The following MARS1 variants were observed in gnomAD, a reference collection of about 807,000 sequenced individuals.
The protein encoded by MARS1 is methionine--tRNA ligase, cytoplasmic.
In MARS1, 80 loss-of-function variants were observed where a neutral mutation model predicts 119.5. The observed-to-expected ratio is 0.67, with a 90% confidence interval of 0.56 to 0.81. The LOEUF is 0.81. Among genes scored for constraint, MARS1 ranks in the 30% least tolerant of loss-of-function variants. The pLI is 0.00. For synonymous variants in MARS1, 418 were observed against 433.4 expected (o/e 0.96, Z 0.44); for missense variants, 945 against 1,116.5 (o/e 0.85, Z 2.19).
intron 11 of MARS1, among the ~76,000 whole-genome samples, chr12:57,505,629 A>G (rs991984947): frequency 1.3e-4 from 20 of 148,712 alleles, no homozygotes; most frequent in Non-Finnish European, 2.7e-4. Flanking sequence ...TGGAAAACAT[A>G]GTGAGACACT....
At chr12:57,501,669 A>G (rs1765802768) in intron 10 of MARS1, among the ~76,000 whole-genome samples, 1 of 152,142 alleles carries the variant, frequency 6.6e-6, no homozygotes, top group South Asian at 2.1e-4. Context: ...AAAAAATACA[A>G]AAATTAGCTG....
intron 11 of MARS1, among the ~76,000 whole-genome samples, chr12:57,510,433 A>G (rs1333491421): frequency 6.6e-6 from 1 of 151,102 alleles, no homozygotes; most frequent in Non-Finnish European, 1.5e-5. Flanking sequence ...AGATCGTGCC[A>G]CTGCACTCCA....
At chr12:57,489,199 C>G in intron 2 of MARS1, 68 bp from the exon 3 acceptor site, 1 of 1,599,254 alleles carries the variant, frequency 6.3e-7, no homozygotes, top group Admixed American at 1.7e-5. Flanking sequence ...CATTGTTTCC[C>G]TGTGTGATGA....
Position 57,493,867 on chromosome 12 carries a change from A to G in MARS1, c.770+3223A>G, listed in dbSNP as rs1485800692. Among the ~76,000 whole-genome samples, 43 of 4,984 alleles carry G rather than the reference A, an allele frequency of 8.6e-3. 3 individuals are homozygous for G. The highest frequency in any genetic ancestry group is 0.083 in the Admixed American group (5 of 60). 3.3% of individuals were successfully genotyped at this position (4,984 alleles called of 152,430 possible). A position where few individuals can be genotyped will look rare whatever the true frequency, so the allele number is the denominator to read the frequency against. On this transcript the variant is annotated intron_variant, in intron 7 of 20. Coordinates refer to ENST00000262027, the MANE Select transcript of MARS1 (RefSeq NM_004990.4). Reference sequence around the variant, plus strand: ...TATATAATATATATATTTATATTATATAATATATATAATATATAATATATA... The same window carrying G: ...TATATAATATATATATTTATATTATGTAATATATATAATATATAATATATA...
Position 57,498,457 on chromosome 12 carries a change from TGTGG to T in MARS1, c.927_930del (p.Cys309Ter). ...CCGCCAGTGGAACACCCTCTATCTG[TGTGG>T]GACAGATGAGTATGGTACAGCAACA... is the stretch of plus-strand genomic sequence containing the variant. On this transcript the variant is annotated frameshift_variant, in exon 9 of 21. Coordinates refer to ENST00000262027, the MANE Select transcript of MARS1 (RefSeq NM_004990.4). LOFTEE classifies it high-confidence loss of function. The T allele has an allele frequency of 1.2e-6, 2 of 1,614,150 alleles. No homozygotes were observed. Among genetic ancestry groups the T allele is most frequent in the Non-Finnish European group, 1.7e-6 (2 of 1,180,042 alleles).
intron 11 of MARS1, among the ~76,000 whole-genome samples, chr12:57,509,645 G>A (rs189191868): frequency 6.6e-6 from 1 of 152,250 alleles, no homozygotes; most frequent in East Asian, 1.9e-4. Context: ...CCTGATCTCA[G>A]GTGATCTGCC....
intron 14 of MARS1, 174 bp downstream of exon 14, chr12:57,512,527 A>G (rs1161836463): frequency 1.5e-5 from 10 of 653,828 alleles, no homozygotes; most frequent in Non-Finnish European, 2.4e-5. Flanking sequence ...AAGAAAGCAA[A>G]AGTCTAAAGC....
chr12:57,502,730 CAACA>C (rs1876984926), intron 10 of MARS1, among the ~76,000 whole-genome samples: 1 of 125,676 alleles, frequency 8.0e-6, no homozygotes, highest in Admixed American at 8.4e-5. Context: ...AAAGCAACAA[CAACA>C]AAAAAAAAAC....
At chr12:57,494,327 T>A (rs1476255443) in intron 7 of MARS1, among the ~76,000 whole-genome samples, 5 of 143,906 alleles carry the variant, frequency 3.5e-5, no homozygotes, top group African/African-American at 1.3e-4. Flanking sequence ...TTCTTTTTTT[T>A]CTTTTTTTTT....
chr12:57,502,526 C>T (rs1876964171), intron 10 of MARS1, among the ~76,000 whole-genome samples: 1 of 151,278 alleles, frequency 6.6e-6, no homozygotes. Flanking sequence ...ACCAACATGG[C>T]GAAACCCCGC....
rs1209991469 is a variant in MARS1, at chr12:57,514,712, C to T, written c.1968-8C>T. ...TTTTCCACTTCTGCTTTCCTACTCC[C>T]AACCAAGAGCTGGGATGTTTGTGTC... On this transcript the variant is annotated splice_region_variant and splice_polypyrimidine_tract_variant and intron_variant, in intron 15 of 20. Transcript: ENST00000262027. 13 of 1,613,916 alleles carry T rather than the reference C, an allele frequency of 8.1e-6. No homozygotes were observed. The highest frequency in any genetic ancestry group is 1.1e-5 in the Non-Finnish European group (13 of 1,180,028).
intron 2 of MARS1, 37 bp from the exon 3 acceptor site, chr12:57,489,230 C>A: frequency 6.2e-7 from 1 of 1,610,538 alleles, no homozygotes; most frequent in Non-Finnish European, 8.5e-7. Flanking sequence ...AAATGGGCCC[C>A]TCTAAGTCCA....
chr12:57,489,917 A>G lies in MARS1; in HGVS notation c.436A>G (p.Ile146Val), dbSNP rs927806397. ...AAAGGAGACAGAATCTCTAGCCGAC[A>G]TTGTTTTGTGGGGAGCCCTATACCC... ...LAGETESLAD[I>V]VLWGALYPLL... The change falls in exon 5 of 21, where the codon ATT becomes GTT. Residue 146 changes from isoleucine to valine, a missense_variant. Coordinates refer to ENST00000262027, the MANE Select transcript of MARS1 (RefSeq NM_004990.4). The G allele has an allele frequency of 6.2e-7, 1 of 1,614,024 alleles. No individual in the cohort carries two copies. Among genetic ancestry groups the G allele is most frequent in the African/African-American group, 1.3e-5 (1 of 74,896 alleles).
chr12:57,507,865 G>A (rs1280533397), intron 11 of MARS1, among the ~76,000 whole-genome samples: 2 of 151,176 alleles, frequency 1.3e-5, no homozygotes, highest in African/African-American at 2.4e-5. Flanking sequence ...CTTCCCAGAC[G>A]GGGTAGCTGC....
intron 18 of MARS1, 62 bp downstream of exon 18, chr12:57,515,398 G>A: frequency 1.3e-6 from 2 of 1,515,864 alleles, no homozygotes; most frequent in Non-Finnish European, 1.8e-6. Flanking sequence ...TTTGGAGTGG[G>A]TGAGAGAAGA....
Position 57,514,778 on chromosome 12 carries a change from CCT to C in MARS1, c.2027_2028del (p.Pro676ArgfsTer2). 1 of 1,614,210 alleles carries C rather than the reference CCT, an allele frequency of 6.2e-7. No homozygotes were observed. Among genetic ancestry groups the C allele is most frequent in the Non-Finnish European group, 8.5e-7 (1 of 1,180,034 alleles). ...CTATGTGCCTGAGATGGTGCTCACC[CCT>C]GATGATCAGCGCCTGCTGGCCCATG... ...GGYVPEMVLT[P>X]DDQRLLAHVT... On this transcript the variant is annotated frameshift_variant, in exon 16 of 21. Transcript: ENST00000262027. LOFTEE classifies it high-confidence loss of function.
intron 10 of MARS1, among the ~76,000 whole-genome samples, chr12:57,502,761 C>T (rs1876989620): frequency 6.8e-6 from 1 of 147,850 alleles, no homozygotes. Context: ...GGCACGGTGG[C>T]TCACGCCTGT....
chr12:57,504,343 C>G (rs368921741), intron 11 of MARS1, 44 bp downstream of exon 11: 2 of 1,470,940 alleles, frequency 1.4e-6, no homozygotes, highest in Non-Finnish European at 1.9e-6. Context: ...GAGGCCTCTT[C>G]TGTCCCCTCT....
rs1472740261 is a variant in MARS1, at chr12:57,489,197, C to A, written c.201-70C>A. The A allele has an allele frequency of 3.8e-6, 6 of 1,599,940 alleles. No individual in the cohort carries two copies. In the South Asian group the frequency reaches 4.4e-5, roughly 12 times the overall value. ...GTGGCTTTATTTGCAGCCATTGTTT[C>A]CCTGTGTGATGAGAAATGGGCTAAA... On this transcript the variant is annotated intron_variant, in intron 2 of 20. Coordinates refer to ENST00000262027, the MANE Select transcript of MARS1 (RefSeq NM_004990.4).
Sources: gnomAD v4.1 joint callset for allele counts (sites outside exome capture counted in the v4.1 genomes callset) on GRCh38, gnomAD v4.1.1 for gene constraint, MANE v1.5 for transcripts, NCBI Gene and HGNC (gene_info 2026-07-23, HGNC 2026-07-21) for gene names.